PRKN: variants seen among roughly 807,000 people sequenced by gnomAD.
PRKN encodes the protein E3 ubiquitin-protein ligase parkin.
PRKN carries 56 observed loss-of-function variants against 59.5 expected under a neutral mutation model. That is an observed-to-expected ratio of 0.94 (90% CI 0.76 to 1.18). The LOEUF is 1.18. PRKN is among the 50% of genes most tolerant of loss of function. PRKN has a pLI of 0.00. For missense variants in PRKN, 657 were observed against 596.4 expected, an observed-to-expected ratio of 1.10 and a Z score of -1.06; for synonymous variants, 250 against 222.1, an observed-to-expected ratio of 1.13 and a Z score of -1.12.
At chr6:162,446,522 A>G (rs774794540) in intron 1 of PRKN, among the ~76,000 whole-genome samples, 2 of 152,214 alleles carry the variant, frequency 1.3e-5, no homozygotes, top group Non-Finnish European at 2.9e-5. Flanking sequence ...AGTTTTTTCT[A>G]TAATAGAAAA....
Position 161,407,593 on chromosome 6 carries a change from A to C in PRKN, c.1084-20716T>G, listed in dbSNP as rs937367808. Among the ~76,000 whole-genome samples the C allele has an allele frequency of 3.9e-5, 6 of 152,290 alleles. No homozygotes were observed. Among genetic ancestry groups the C allele is most frequent in the African/African-American group, 1.4e-4 (6 of 41,546 alleles). On this transcript the variant is annotated intron_variant, in intron 9 of 11. Transcript: ENST00000366898. This position sits in a 1 kb window ranked among gnomAD's most constrained non-coding sequence, Gnocchi z 4.9. Reference sequence around the variant, plus strand: ...AAGGTACTTCTTAGAGTTGAGGATAAGTGTTGGATGCAAAGCTGTCAGGCC... The same window carrying C: ...AAGGTACTTCTTAGAGTTGAGGATACGTGTTGGATGCAAAGCTGTCAGGCC...
intron 6 of PRKN, among the ~76,000 whole-genome samples, chr6:161,809,537 G>A (rs528193494): frequency 9.2e-5 from 14 of 152,150 alleles, no homozygotes; most frequent in Non-Finnish European, 2.1e-4. Context: ...TTGCTTAATA[G>A]CTTATTGTCC....
At chr6:161,697,714 C>A (rs973147631) in intron 7 of PRKN, among the ~76,000 whole-genome samples, 2 of 152,048 alleles carry the variant, frequency 1.3e-5, no homozygotes, top group Non-Finnish European at 2.9e-5. Context: ...TTGTCATTGA[C>A]CATTATCCAG....
chr6:161,445,051 C>T lies in PRKN; in HGVS notation c.1084-58174G>A, dbSNP rs757725324. ...CCCTGCCTACATTTTACTCTGGATT[C>T]CAAGAGTAGACTGGGCTTCAGGGAC... On this transcript the variant is annotated intron_variant, in intron 9 of 11. Transcript: ENST00000366898. The surrounding 1 kb of genome is among the most constrained non-coding windows in gnomAD (Gnocchi z 7.7). Among the ~76,000 whole-genome samples, 22 of 151,978 alleles carry T rather than the reference C, an allele frequency of 1.4e-4. No individual in the cohort carries two copies. Among genetic ancestry groups the T allele is most frequent in the Non-Finnish European group, 2.5e-4 (17 of 68,012 alleles).
At chr6:162,589,008 T>A (rs7769048) in intron 1 of PRKN, among the ~76,000 whole-genome samples, 15,571 of 152,144 alleles carry the variant, frequency 0.1, 940 homozygotes, top group Middle Eastern at 0.19. Context: ...TCTCACTCTC[T>A]TCCACTCCCA....
chr6:161,950,857 G>A (rs886933338), intron 6 of PRKN, among the ~76,000 whole-genome samples: 3 of 151,836 alleles, frequency 2.0e-5, no homozygotes, highest in African/African-American at 7.3e-5. Flanking sequence ...AGCCTCAGGC[G>A]AAGGGCTAGA....
intron 10 of PRKN, among the ~76,000 whole-genome samples, chr6:161,384,955 G>C (rs888064936): frequency 1.2e-4 from 19 of 152,180 alleles, no homozygotes; most frequent in African/African-American, 4.3e-4. Context: ...GGTGGGGATG[G>C]AGTCTCACTC....
chr6:161,709,348 C>G (rs1786643956), intron 7 of PRKN, among the ~76,000 whole-genome samples: 1 of 152,146 alleles, frequency 6.6e-6, no homozygotes, highest in African/African-American at 2.4e-5. Context: ...TTTATTTCTA[C>G]TCTAACATGA....
chr6:161,750,858 G>A (rs955967254), intron 7 of PRKN, among the ~76,000 whole-genome samples: 1 of 151,550 alleles, frequency 6.6e-6, no homozygotes, highest in Non-Finnish European at 1.5e-5. Context: ...CATAGAGCAA[G>A]CAGATAAGGC....
chr6:161,976,120 G>C (rs1222652814), intron 5 of PRKN, among the ~76,000 whole-genome samples: 1 of 152,070 alleles, frequency 6.6e-6, no homozygotes, highest in Middle Eastern at 3.2e-3. Context: ...GGCCAGGCTA[G>C]TCTTGAACTC....
chr6:161,914,466 G>T (rs568278501), intron 6 of PRKN, among the ~76,000 whole-genome samples: 286 of 152,020 alleles, frequency 1.9e-3, no homozygotes, highest in Non-Finnish European at 2.9e-3. Flanking sequence ...TGGCCAACTT[G>T]GTATGAATAG....
rs944906851 is a variant in PRKN at position 162,172,412 on chromosome 6, G to A, written c.534+28719C>T. On this transcript the variant is annotated intron_variant, in intron 4 of 11. Transcript: ENST00000366898. ...TTGTTTCGCATGCACTCTGTGAGCC[G>A]CCTGCTGCCTGTTGCCTGAGCCTTA... Among the ~76,000 whole-genome samples the A allele has an allele frequency of 3.9e-5, 6 of 152,156 alleles. 1 individual carries two copies. The highest frequency in any genetic ancestry group is 5.9e-5 in the Non-Finnish European group (4 of 68,030).
intron 4 of PRKN, among the ~76,000 whole-genome samples, chr6:162,164,030 A>G (rs1782874220): frequency 6.7e-6 from 1 of 149,172 alleles, no homozygotes; most frequent in African/African-American, 2.5e-5. Context: ...ACATTTAAAG[A>G]TGAATAGGTT....
At chr6:161,660,510 C>T (rs9365310) in intron 7 of PRKN, among the ~76,000 whole-genome samples, 64,077 of 151,958 alleles carry the variant, frequency 0.42, 14,300 homozygotes, top group East Asian at 0.52. Context: ...GCTGAAGATT[C>T]ACAAGGAAAA....
At chr6:161,893,378 G>A (rs111693450) in intron 6 of PRKN, among the ~76,000 whole-genome samples, 1 of 152,270 alleles carries the variant, frequency 6.6e-6, no homozygotes, top group African/African-American at 2.4e-5. Context: ...CTGTTCACAC[G>A]CCATGAAGTT....
rs564682662 is a variant in PRKN at position 162,245,876 on chromosome 6, C to A, written c.412+16649G>T. Among the ~76,000 whole-genome samples the A allele has an allele frequency of 1.3e-3, 195 of 152,240 alleles. 1 individual carries two copies. Among genetic ancestry groups the A allele is most frequent in the African/African-American group, 4.3e-3 (179 of 41,550 alleles). On this transcript the variant is annotated intron_variant, in intron 3 of 11. Transcript: ENST00000366898. ...TTTGTTGAATAAGAGACAACAGAGA[C>A]TATGTGTAAGTCACTTGTGTTTACT...
chr6:162,553,407 G>A (rs1371014594), intron 1 of PRKN, among the ~76,000 whole-genome samples: 4 of 139,438 alleles, frequency 2.9e-5, no homozygotes, highest in Non-Finnish European at 6.5e-5. Flanking sequence ...CTTATTAGAA[G>A]CAAGGGATAG....
At chr6:162,010,296 ATATT>A (rs1456120117) in intron 5 of PRKN, among the ~76,000 whole-genome samples, 6 of 124,658 alleles carry the variant, frequency 4.8e-5, no homozygotes, top group Non-Finnish European at 9.5e-5. Flanking sequence ...TATATTTTAT[ATATT>A]TATTATATAT....
At chr6:162,518,182 T>C (rs765760973) in intron 1 of PRKN, among the ~76,000 whole-genome samples, 13 of 152,204 alleles carry the variant, frequency 8.5e-5, no homozygotes, top group Admixed American at 2.0e-4. Flanking sequence ...ACAGTCTTAC[T>C]ACATAAAAAT....
Sources: allele counts gnomAD v4.1 joint callset (sites outside exome capture counted in the v4.1 genomes callset), GRCh38; gene constraint gnomAD v4.1.1; non-coding constraint Gnocchi (gnomAD v3.1); transcripts MANE v1.5; gene names NCBI Gene and HGNC (gene_info 2026-07-23, HGNC 2026-07-21).